MAP2K2: variants seen among roughly 807,000 people sequenced by gnomAD.
MAP2K2 encodes the protein mitogen-activated protein kinase kinase 2.
In MAP2K2, 24 loss-of-function variants were observed where a neutral mutation model predicts 43.7. The ratio of observed to expected loss-of-function variants is 0.55; its 90% CI spans 0.40 to 0.77. The LOEUF is 0.77. Ranked by LOEUF, MAP2K2 falls within the 30% of genes least tolerant of loss-of-function variation. The probability of loss-of-function intolerance (pLI) is 0.00; values close to 1 mark genes in which losing one functional copy is unlikely to be tolerated. For missense variants in MAP2K2, 470 were observed against 566.8 expected (o/e 0.83, Z 1.73); for synonymous variants, 244 against 239.7 (o/e 1.02, Z -0.17).
chr19:4,121,490 C>T (rs904646678), intron 1 of MAP2K2, among the ~76,000 whole-genome samples: 8 of 151,180 alleles, frequency 5.3e-5, no homozygotes, highest in African/African-American at 1.7e-4. Flanking sequence ...TCTTGACCTC[C>T]CTGGGACCCC....
At chr19:4,095,280 C>T (rs1441529604) in intron 9 of MAP2K2, 108 bp downstream of exon 9, 4 of 956,510 alleles carry the variant, frequency 4.2e-6, no homozygotes, top group East Asian at 2.6e-5. Flanking sequence ...CCTAACGCTG[C>T]ACTGGGATTC....
chr19:4,111,853 T>G (rs2041157200), intron 2 of MAP2K2, among the ~76,000 whole-genome samples: 1 of 152,118 alleles, frequency 6.6e-6, no homozygotes, highest in Non-Finnish European at 1.5e-5. Context: ...CTCGGGAGGC[T>G]GAGGCAGGAG....
intron 7 of MAP2K2, among the ~76,000 whole-genome samples, chr19:4,098,706 C>G (rs1333190698): frequency 1.3e-5 from 2 of 152,210 alleles, no homozygotes; most frequent in Admixed American, 1.3e-4. Flanking sequence ...CTCCCGCCCC[C>G]TCCCGGGCTG....
At chr19:4,110,752 C>G (rs2041144549) in intron 2 of MAP2K2, 97 bp from the exon 3 acceptor site, 4 of 1,366,404 alleles carry the variant, frequency 2.9e-6, no homozygotes, top group Admixed American at 4.0e-5. Context: ...CAACAGTGGT[C>G]AAGACCAACT....
In MAP2K2 at chr19:4,117,505, C is replaced by G. The variant is rs187018595; in HGVS notation, c.217G>C (p.Glu73Gln). The change falls in exon 2 of 11, where the codon GAA (glutamate) becomes CAA (glutamine). Residue 73 changes from glutamate to glutamine, a missense_variant. Coordinates refer to ENST00000262948, the MANE Select transcript of MAP2K2 (RefSeq NM_030662.4). ...KVGELKDDDF[E>Q]RISELGAGNG... is the part of the protein sequence containing the mutation. ...CCCGCGCCCAGCTCTGAGATCCTTTCGAAGTCATCGTCTTTGAGTTCGCCG... is the reference window on the plus strand; with the variant it reads ...CCCGCGCCCAGCTCTGAGATCCTTTGGAAGTCATCGTCTTTGAGTTCGCCG... 6.2e-7 allele frequency: 1 copy of G among 1,614,180 alleles called. No homozygotes were observed. Among genetic ancestry groups the G allele is most frequent in the East Asian group, 2.2e-5 (1 of 44,892 alleles).
At chr19:4,110,306 C>CA (rs2041137516) in intron 3 of MAP2K2, among the ~76,000 whole-genome samples, 1 of 151,726 alleles carries the variant, frequency 6.6e-6, no homozygotes, top group Admixed American at 6.6e-5. Context: ...GACTGCCTCT[C>CA]AAAAAAACAA....
At chr19:4,094,589 G>T in intron 9 of MAP2K2, 91 bp from the exon 10 acceptor site, 1 of 1,229,382 alleles carries the variant, frequency 8.1e-7, no homozygotes, top group Non-Finnish European at 1.2e-6. Context: ...CGTGTGGGCC[G>T]TGGTCGGAGG....
chr19:4,114,937 T>A (rs1050659179), intron 2 of MAP2K2, among the ~76,000 whole-genome samples: 9 of 151,688 alleles, frequency 5.9e-5, no homozygotes, highest in Non-Finnish European at 1.0e-4. Flanking sequence ...CTCAAAAAAA[T>A]AAATAAATAA....
At chr19:4,112,329 G>C (rs2041164254) in intron 2 of MAP2K2, among the ~76,000 whole-genome samples, 1 of 152,190 alleles carries the variant, frequency 6.6e-6, no homozygotes, top group Non-Finnish European at 1.5e-5. Flanking sequence ...CAGGTGCCTG[G>C]GGAGCAGCAA....
In MAP2K2 at chr19:4,124,094, A is replaced by G. The variant is rs377073409; in HGVS notation, c.-219T>C. 12 of 214,068 alleles carry G rather than the reference A, an allele frequency of 5.6e-5. No individual in the cohort carries two copies. The highest frequency in any genetic ancestry group is 2.7e-4 in the African/African-American group (12 of 44,290). The allele number at this position is 214,068 out of a possible 1,614,324, so 13.3% of individuals were successfully genotyped here. On this transcript the variant is annotated 5_prime_UTR_variant, in exon 1 of 11. Coordinates refer to ENST00000262948, the MANE Select transcript of MAP2K2 (RefSeq NM_030662.4). ...CGCTACCGCTGCCGAGGCCCGAAGA[A>G]GGCTGACGCCGCAGCCCGAGTCCGA... is the stretch of plus-strand genomic sequence containing the variant.
At chr19:4,093,101 TAGGAGGCTG>T (rs1371315815) in intron 10 of MAP2K2, among the ~76,000 whole-genome samples, 1 of 151,752 alleles carries the variant, frequency 6.6e-6, no homozygotes, top group Non-Finnish European at 1.5e-5. Flanking sequence ...CCCAGCTACT[TAGGAGGCTG>T]AGGAGGCTAA....
intron 7 of MAP2K2, among the ~76,000 whole-genome samples, chr19:4,098,610 G>A (rs922568590): frequency 6.6e-6 from 1 of 152,164 alleles, no homozygotes; most frequent in African/African-American, 2.4e-5. Context: ...CTCTCTGACT[G>A]GCGTCAGGGA....
chr19:4,108,599 C>T (rs1461710122), intron 3 of MAP2K2, among the ~76,000 whole-genome samples: 2 of 152,188 alleles, frequency 1.3e-5, no homozygotes, highest in South Asian at 2.1e-4. Flanking sequence ...GACAGCACGG[C>T]CTGTGTCTCC....
intron 1 of MAP2K2, among the ~76,000 whole-genome samples, chr19:4,121,613 TCCC>T (rs1031721571): frequency 3.3e-4 from 11 of 32,930 alleles, no homozygotes; most frequent in African/African-American, 1.2e-3. Flanking sequence ...CCCCCCAGAA[TCCC>T]CCAACATGAC....
At chr19:4,096,737 A>T (rs965440912) in intron 8 of MAP2K2, among the ~76,000 whole-genome samples, 11 of 152,116 alleles carry the variant, frequency 7.2e-5, no homozygotes, top group African/African-American at 9.7e-5. Flanking sequence ...GGACGCTCTG[A>T]TGCAGAGACA....
chr19:4,108,477 T>C (rs979552005), intron 3 of MAP2K2, among the ~76,000 whole-genome samples: 1 of 151,244 alleles, frequency 6.6e-6, no homozygotes, highest in Non-Finnish European at 1.5e-5. Context: ...GCCAGAATAG[T>C]CTCGATCTCC....
intron 10 of MAP2K2, among the ~76,000 whole-genome samples, chr19:4,092,800 A>C (rs2040866222): frequency 6.6e-6 from 1 of 152,108 alleles, no homozygotes; most frequent in Admixed American, 6.6e-5. Flanking sequence ...TGCCAGGTGC[A>C]GTGGCTCACA....
At chr19:4,102,237 C>A in intron 4 of MAP2K2, 139 bp downstream of exon 4, 1 of 747,252 alleles carries the variant, frequency 1.3e-6, no homozygotes. Flanking sequence ...AGCAGGTGGG[C>A]ACAGCCTTGG....
At position 4,110,632 on chromosome 19, in the gene MAP2K2, C is replaced by G. The variant is rs369156025; in HGVS notation, c.327G>C (p.Pro109=). ...ARKLIHLEIK[P]AIRNQIIREL... ...CGCGGATGATCTGGTTCCGGATGGCCGGCTTGATCTCAAGGTGGATCAGCT... is the reference window on the plus strand; with the variant it reads ...CGCGGATGATCTGGTTCCGGATGGCGGGCTTGATCTCAAGGTGGATCAGCT... The change falls in exon 3 of 11, where the codon CCG becomes CCC. Residue 109 remains proline (P), a synonymous_variant. Coordinates refer to ENST00000262948, the MANE Select transcript of MAP2K2 (RefSeq NM_030662.4). 6.2e-7 allele frequency: 1 copy of G among 1,613,396 alleles called. No individual in the cohort carries two copies. The highest frequency in any genetic ancestry group is 8.5e-7 in the Non-Finnish European group (1 of 1,179,946).
Sources: allele counts gnomAD v4.1 joint callset (sites outside exome capture counted in the v4.1 genomes callset), GRCh38; gene constraint gnomAD v4.1.1; transcripts MANE v1.5; gene names NCBI Gene and HGNC (gene_info 2026-07-23, HGNC 2026-07-21).